NRG1: variants seen among roughly 807,000 people sequenced by gnomAD.
NRG1 encodes pro-neuregulin-1, membrane-bound isoform.
A neutral mutation model predicts 63.8 loss-of-function variants in NRG1; 18 were observed. The ratio of observed to expected loss-of-function variants is 0.28; its 90% CI spans 0.19 to 0.42. The LOEUF is 0.42. Among genes scored for constraint, NRG1 ranks in the 10% least tolerant of loss-of-function variants. The pLI is 1.00. For synonymous variants in NRG1, 302 were observed against 301.3 expected, an observed-to-expected ratio of 1.00 and a Z score of -0.02; for missense variants, 762 against 814.7, an observed-to-expected ratio of 0.94 and a Z score of 0.79.
intron 1 of NRG1, among the ~76,000 whole-genome samples, chr8:31,946,013 C>T (rs975906670): frequency 1.3e-5 from 2 of 152,184 alleles, no homozygotes; most frequent in Admixed American, 1.3e-4. Context: ...CCCCACAACT[C>T]GATCGCCATT....
intron 1 of NRG1, among the ~76,000 whole-genome samples, chr8:32,288,801 C>G (rs1056829900): frequency 6.6e-6 from 1 of 152,156 alleles, no homozygotes; most frequent in Non-Finnish European, 1.5e-5. Context: ...TCCCTAGTAA[C>G]AGCTTGAATC....
At chr8:32,260,378 A>G (rs1305084314) in intron 1 of NRG1, among the ~76,000 whole-genome samples, 5 of 152,206 alleles carry the variant, frequency 3.3e-5, no homozygotes, top group Non-Finnish European at 7.3e-5. Context: ...CAAAACATGC[A>G]ACTTTAGAGC....
intron 1 of NRG1, among the ~76,000 whole-genome samples, chr8:32,134,694 G>T (rs113834230): frequency 5.9e-5 from 9 of 152,220 alleles, no homozygotes; most frequent in African/African-American, 1.7e-4. Flanking sequence ...AGATATACCA[G>T]ATATTAATAA....
At chr8:32,756,043 A>C (rs573751795) in intron 8 of NRG1, among the ~76,000 whole-genome samples, 32 of 152,284 alleles carry the variant, frequency 2.1e-4, no homozygotes, top group African/African-American at 7.2e-4. Flanking sequence ...CACCCAGCCC[A>C]GCACAAATTA....
intron 5 of NRG1, among the ~76,000 whole-genome samples, chr8:32,634,848 GC>G (rs1851025782): frequency 6.6e-6 from 1 of 152,072 alleles, no homozygotes; most frequent in Non-Finnish European, 1.5e-5. Context: ...GAAAAAAATG[GC>G]TTTTGAAGTT....
At chr8:32,637,440 C>CA (rs1408528389) in intron 5 of NRG1, among the ~76,000 whole-genome samples, 9 of 152,136 alleles carry the variant, frequency 5.9e-5, no homozygotes, top group Admixed American at 1.3e-4. Context: ...GAGTATAACT[C>CA]AGACAGTAGC....
chr8:32,071,468 G>A (rs1825748270), intron 1 of NRG1, among the ~76,000 whole-genome samples: 1 of 152,134 alleles, frequency 6.6e-6, no homozygotes, highest in East Asian at 1.9e-4. Context: ...GTCTGGTCCT[G>A]GCTATCTTCC....
At chr8:32,283,885 G>GA (rs1853188056) in intron 1 of NRG1, among the ~76,000 whole-genome samples, 1 of 152,100 alleles carries the variant, frequency 6.6e-6, no homozygotes, top group African/African-American at 2.4e-5. Context: ...TGGATGCTTA[G>GA]AAAAAATTCC....
intron 1 of NRG1, among the ~76,000 whole-genome samples, chr8:32,375,731 T>C (rs997440964): frequency 1.3e-5 from 2 of 152,218 alleles, no homozygotes; most frequent in African/African-American, 2.4e-5. Flanking sequence ...CAGTAGCCCT[T>C]ACAGCTAATT....
chr8:32,191,441 T>C (rs1842483706), intron 1 of NRG1, among the ~76,000 whole-genome samples: 1 of 152,190 alleles, frequency 6.6e-6, no homozygotes, highest in South Asian at 2.1e-4. Context: ...TAACAAGTTG[T>C]CACCCTACAA....
intron 1 of NRG1, among the ~76,000 whole-genome samples, chr8:31,891,494 C>T (rs1293144537): frequency 6.6e-6 from 1 of 152,118 alleles, no homozygotes; most frequent in Non-Finnish European, 1.5e-5. Context: ...CGAGACCAAT[C>T]GCTGGCAAAG....
chr8:32,031,222 A>G (rs1454698546), intron 1 of NRG1, among the ~76,000 whole-genome samples: 8 of 152,166 alleles, frequency 5.3e-5, no homozygotes, highest in Admixed American at 2.6e-4. Flanking sequence ...CTCTGTCTCC[A>G]TGGGCAGCAG....
At chr8:31,883,692 G>C (rs1011420591) in intron 1 of NRG1, among the ~76,000 whole-genome samples, 6 of 152,088 alleles carry the variant, frequency 3.9e-5, no homozygotes, top group Non-Finnish European at 8.8e-5. Context: ...AGATCCTGCT[G>C]TTCAGTTGGT....
intron 1 of NRG1, among the ~76,000 whole-genome samples, chr8:32,199,384 C>G (rs1382600009): frequency 6.6e-6 from 1 of 152,168 alleles, no homozygotes; most frequent in Non-Finnish European, 1.5e-5. Context: ...AGGTGTAGCC[C>G]TGATACTTTT....
rs569845169 is a variant in NRG1 at position 32,226,489 on chromosome 8, G to A, written c.38-369339G>A. Among the ~76,000 whole-genome samples the A allele has an allele frequency of 3.2e-4, 48 of 152,072 alleles. No individual in the cohort carries two copies. In the Middle Eastern group the frequency reaches 0.01, roughly 32 times the overall value. ...GAGTGTTAAAGGGTACATTGCTTTA[G>A]GAAACTTGTCTTTTTCTGGCATTTG... On this transcript the variant is annotated intron_variant, in intron 1 of 10. Transcript: ENST00000519301.
chr8:32,468,208 T>C (rs1407036944), intron 1 of NRG1, among the ~76,000 whole-genome samples: 1 of 152,184 alleles, frequency 6.6e-6, no homozygotes, highest in African/African-American at 2.4e-5. Context: ...CTCTTTGAGA[T>C]AGAAAGTTAC....
chr8:32,663,505 A>G (rs561163977), intron 5 of NRG1, among the ~76,000 whole-genome samples: 90 of 152,278 alleles, frequency 5.9e-4, no homozygotes, highest in African/African-American at 2.0e-3. Context: ...TCCTTTCTCT[A>G]TTAAGCTGTC....
intron 6 of NRG1, among the ~76,000 whole-genome samples, chr8:32,732,545 T>C (rs1375999509): frequency 6.6e-6 from 1 of 152,136 alleles, no homozygotes; most frequent in East Asian, 1.9e-4. Flanking sequence ...TGGTGAACAG[T>C]CTTATGTCCT....
chr8:32,651,061 A>G (rs370122726), intron 5 of NRG1, among the ~76,000 whole-genome samples: 1 of 152,190 alleles, frequency 6.6e-6, no homozygotes, highest in East Asian at 1.9e-4. Flanking sequence ...GTTTTATTTT[A>G]TAAATACTAG....
Sources: allele counts gnomAD v4.1 joint callset (sites outside exome capture counted in the v4.1 genomes callset), GRCh38; gene constraint gnomAD v4.1.1; transcripts MANE v1.5; gene names NCBI Gene and HGNC (gene_info 2026-07-23, HGNC 2026-07-21).